KHDRBS3: variants seen among roughly 807,000 people sequenced by gnomAD.
The protein encoded by KHDRBS3 is KH domain-containing, RNA-binding, signal transduction-associated protein 3.
In KHDRBS3, 23 loss-of-function variants were observed where a neutral mutation model predicts 45.6. The observed-to-expected ratio is 0.50, with a 90% confidence interval of 0.36 to 0.72. The LOEUF is 0.72. Ranked by LOEUF, KHDRBS3 falls within the 30% of genes least tolerant of loss-of-function variation. The pLI is 0.00. For missense variants in KHDRBS3, 352 were observed against 424.8 expected (o/e 0.83, Z 1.51); for synonymous variants, 162 against 156.5 (o/e 1.04, Z -0.26).
At chr8:135,534,809 G>A (rs1339848288) in intron 2 of KHDRBS3, among the ~76,000 whole-genome samples, 1 of 152,092 alleles carries the variant, frequency 6.6e-6, no homozygotes, top group African/African-American at 2.4e-5. Flanking sequence ...CTCCAAGCCT[G>A]AGCTTTAAGA....
At chr8:135,471,921 C>A (rs985436802) in intron 1 of KHDRBS3, among the ~76,000 whole-genome samples, 1 of 152,194 alleles carries the variant, frequency 6.6e-6, no homozygotes, top group African/African-American at 2.4e-5. Context: ...CAATGAGAAT[C>A]CAGCTGCCTT....
At chr8:135,532,351 C>T (rs1825520541) in intron 2 of KHDRBS3, among the ~76,000 whole-genome samples, 1 of 152,112 alleles carries the variant, frequency 6.6e-6, no homozygotes, top group African/African-American at 2.4e-5. Context: ...TGTTTGTTCT[C>T]CCTTTGTATT....
chr8:135,505,701 G>A (rs181322750), intron 1 of KHDRBS3, among the ~76,000 whole-genome samples: 1 of 152,254 alleles, frequency 6.6e-6, no homozygotes, highest in East Asian at 1.9e-4. Context: ...TTTGGAGGAA[G>A]TAGGACCAAG....
chr8:135,596,550 A>G (rs1265344595), intron 6 of KHDRBS3, among the ~76,000 whole-genome samples: 1 of 152,114 alleles, frequency 6.6e-6, no homozygotes, highest in Non-Finnish European at 1.5e-5. Flanking sequence ...TCCTGAAATT[A>G]TTTTTTTCAT....
intron 1 of KHDRBS3, among the ~76,000 whole-genome samples, chr8:135,486,669 A>T (rs868817299): frequency 2.0e-5 from 3 of 152,176 alleles, no homozygotes; most frequent in Admixed American, 6.5e-5. Flanking sequence ...GTTTATATGG[A>T]ATCTATGCAT....
intron 7 of KHDRBS3, among the ~76,000 whole-genome samples, chr8:135,609,682 G>A (rs1829629618): frequency 6.6e-6 from 1 of 151,824 alleles, no homozygotes; most frequent in Non-Finnish European, 1.5e-5. Flanking sequence ...TGTCATAGGT[G>A]ACAGGAATTT....
At chr8:135,559,561 C>T (rs940934535) in intron 5 of KHDRBS3, among the ~76,000 whole-genome samples, 1 of 152,014 alleles carries the variant, frequency 6.6e-6, no homozygotes, top group Non-Finnish European at 1.5e-5. Flanking sequence ...CGGGGTTTCA[C>T]CCTGTTGGCC....
chr8:135,601,259 T>C (rs1445407111), intron 6 of KHDRBS3, among the ~76,000 whole-genome samples: 1 of 152,176 alleles, frequency 6.6e-6, no homozygotes, highest in Admixed American at 6.5e-5. Context: ...GGTGTGATAG[T>C]GTGAAAGAAT....
At chr8:135,529,155 A>G (rs1462875654) in intron 2 of KHDRBS3, among the ~76,000 whole-genome samples, 2 of 152,204 alleles carry the variant, frequency 1.3e-5, no homozygotes, top group African/African-American at 4.8e-5. Context: ...CATAATGGCC[A>G]TTGTTTTATG....
chr8:135,459,946 G>A (rs1051004134), intron 1 of KHDRBS3, among the ~76,000 whole-genome samples: 2 of 152,218 alleles, frequency 1.3e-5, no homozygotes, highest in Non-Finnish European at 2.9e-5. Flanking sequence ...GAAGGAAGGA[G>A]GAGGTGCTGC....
chr8:135,618,458 A>G (rs1830006116), intron 7 of KHDRBS3, among the ~76,000 whole-genome samples: 1 of 152,234 alleles, frequency 6.6e-6, no homozygotes. Context: ...AATAATTGAT[A>G]TAAAAATGGT....
chr8:135,582,074 G>A lies in KHDRBS3; in HGVS notation c.807+1G>A. 1 of 1,537,284 alleles carries A rather than the reference G, an allele frequency of 6.5e-7. No individual in the cohort carries two copies. The highest frequency in any genetic ancestry group is 1.3e-5 in the South Asian group (1 of 79,198). On this transcript the variant is annotated splice_donor_variant, in intron 6 of 8. Coordinates refer to ENST00000355849, the MANE Select transcript of KHDRBS3 (RefSeq NM_006558.3). LOFTEE classifies it high-confidence loss of function. ...GACACAAGAGACTTATGGAGAATAT[G>A]TAAGTGAAGGTGTCAGACAACAGCC... is the stretch of plus-strand genomic sequence containing the variant.
At chr8:135,512,182 T>G (rs981840851) in intron 1 of KHDRBS3, among the ~76,000 whole-genome samples, 1 of 152,184 alleles carries the variant, frequency 6.6e-6, no homozygotes, top group African/African-American at 2.4e-5. Flanking sequence ...GGTTAAAAAA[T>G]TCCTTTTCAG....
At chr8:135,482,221 A>T (rs1314460705) in intron 1 of KHDRBS3, among the ~76,000 whole-genome samples, 2 of 152,252 alleles carry the variant, frequency 1.3e-5, no homozygotes, top group Admixed American at 1.3e-4. Flanking sequence ...ATTAATGTAT[A>T]ACCTCAGAGT....
chr8:135,639,094 C>A (rs952653412), intron 7 of KHDRBS3, among the ~76,000 whole-genome samples: 1 of 152,070 alleles, frequency 6.6e-6, no homozygotes, highest in African/African-American at 2.4e-5. Flanking sequence ...CAGGTAGTTA[C>A]TGATTGGTCA....
At chr8:135,513,432 T>G (rs1304704291) in intron 1 of KHDRBS3, among the ~76,000 whole-genome samples, 1 of 152,218 alleles carries the variant, frequency 6.6e-6, no homozygotes, top group Non-Finnish European at 1.5e-5. Context: ...GCGCTGTTAT[T>G]TCTACATTTC....
intron 6 of KHDRBS3, among the ~76,000 whole-genome samples, chr8:135,594,309 T>A (rs1041641445): frequency 6.6e-6 from 1 of 152,224 alleles, no homozygotes; most frequent in Non-Finnish European, 1.5e-5. Context: ...GAGGGTTCAC[T>A]ACAGTACAGG....
At chr8:135,599,503 T>C (rs1286539237) in intron 6 of KHDRBS3, among the ~76,000 whole-genome samples, 1 of 152,244 alleles carries the variant, frequency 6.6e-6, no homozygotes, top group African/African-American at 2.4e-5. Flanking sequence ...CATTTTATTA[T>C]ACAGTATTTC....
intron 3 of KHDRBS3, among the ~76,000 whole-genome samples, chr8:135,545,998 C>T (rs1341079143): frequency 2.0e-5 from 3 of 152,000 alleles, no homozygotes; most frequent in African/African-American, 7.3e-5. Flanking sequence ...ATTAGCCGGG[C>T]ATGGTGGTGC....
Sources: gnomAD v4.1 joint callset for allele counts (sites outside exome capture counted in the v4.1 genomes callset) on GRCh38, gnomAD v4.1.1 for gene constraint, MANE v1.5 for transcripts, NCBI Gene and HGNC (gene_info 2026-07-23, HGNC 2026-07-21) for gene names.